Variants in OR52K1 observed in about 807,000 individuals in gnomAD.
OR52K1 encodes olfactory receptor 52K1.
OR52K1 carries 10 observed loss-of-function variants against 8.7 expected under a neutral mutation model. The ratio of observed to expected loss-of-function variants is 1.15; its 90% CI spans 0.71 to 1.95. OR52K1 has a LOEUF of 1.95. OR52K1 is among the 30% of genes most tolerant of loss of function. OR52K1 has a pLI of 0.00. For missense variants in OR52K1, 431 were observed against 397.2 expected, an observed-to-expected ratio of 1.08 and a Z score of -0.72; for synonymous variants, 203 against 148.5, an observed-to-expected ratio of 1.37 and a Z score of -2.67.
Position 4,483,086 on chromosome 11 carries a change from C to G in OR52K1, c.-419C>G, listed in dbSNP as rs995041666. ...CACCTCCTGTCATTGCTTTTTCTAACCCCTGGCAAATGCCCCATCCCAGTT... is the reference window on the plus strand; with the variant it reads ...CACCTCCTGTCATTGCTTTTTCTAAGCCCTGGCAAATGCCCCATCCCAGTT... On this transcript the variant is annotated 5_prime_UTR_variant, in exon 1 of 2. Coordinates refer to ENST00000641528, the MANE Select transcript of OR52K1 (RefSeq NM_001005171.3). 5.0e-6 allele frequency: 2 copies of G among 398,320 alleles called. No individual in the cohort carries two copies. The highest frequency in any genetic ancestry group is 4.4e-6 in the Non-Finnish European group (1 of 225,958). The allele number at this position is 398,320 out of a possible 1,614,324, so 24.7% of individuals were successfully genotyped here.
chr11:4,491,327 T>C lies in OR52K1; in HGVS notation c.*1482T>C, dbSNP rs765301766. On this transcript the variant is annotated 3_prime_UTR_variant, in exon 2 of 2. Coordinates refer to ENST00000641528, the MANE Select transcript of OR52K1 (RefSeq NM_001005171.3). ...TAGAGAAAAGGAAACACTTATATAC[T>C]GCTGGTAGGAGTGTAAATTATTTCA... 2.0e-5 allele frequency: 3 copies of C among 152,228 alleles called. No individual in the cohort carries two copies. Among genetic ancestry groups the C allele is most frequent in the Non-Finnish European group, 2.9e-5 (2 of 68,046 alleles). 9.4% of individuals were successfully genotyped at this position (152,228 alleles called of 1,614,324 possible).
At chr11:4,485,170 G>GA (rs200086921) in intron 1 of OR52K1, among the ~76,000 whole-genome samples, 2,860 of 152,262 alleles carry the variant, frequency 0.019, 3 homozygotes, top group African/African-American at 0.065. Context: ...TACTAAGATA[G>GA]TACATTATTT....
At chr11:4,487,627 T>A (rs1263332050) in intron 1 of OR52K1, among the ~76,000 whole-genome samples, 2 of 152,226 alleles carry the variant, frequency 1.3e-5, no homozygotes, top group Non-Finnish European at 2.9e-5. Flanking sequence ...AAAGAAGGAC[T>A]CAGATATGGC....
At position 4,492,525 on chromosome 11, in the gene OR52K1, G is replaced by A. The variant is rs1409785660; in HGVS notation, c.*2680G>A. 6.6e-6 allele frequency: 1 copy of A among 152,188 alleles called. No homozygotes were observed. 9.4% of individuals were successfully genotyped at this position (152,188 alleles called of 1,614,324 possible). A position where few individuals can be genotyped will look rare whatever the true frequency, so the allele number is the denominator to read the frequency against. On this transcript the variant is annotated 3_prime_UTR_variant, in exon 2 of 2. Transcript: ENST00000641528. ...TGTTTGTTTCACAGCCTTACCCAAG[G>A]AGCACCAATTGCTGGAGTTGTGAGT...
rs1302220701 is a variant in OR52K1 at position 4,489,441 on chromosome 11, T to C, written c.541T>C (p.Cys181Arg). The C allele has an allele frequency of 2.5e-6, 4 of 1,614,248 alleles. No individual in the cohort carries two copies. Among genetic ancestry groups the C allele is most frequent in the Non-Finnish European group, 3.4e-6 (4 of 1,180,038 alleles). ...CRGPVIAHCY[C>R]EHMAVVRLAC... Reference sequence around the variant, plus strand: ...AGGCCCAGTGATTGCCCATTGCTACTGTGAACACATGGCTGTGGTAAGGCT... The same window carrying C: ...AGGCCCAGTGATTGCCCATTGCTACCGTGAACACATGGCTGTGGTAAGGCT... The change falls in exon 2 of 2, where the codon TGT becomes CGT. Residue 181 changes from cysteine (C) to arginine (R), a missense_variant. By Grantham distance (180) the Cys-to-Arg change is radical. Transcript: ENST00000641528.
rs765180018 is a variant in OR52K1 at position 4,489,383 on chromosome 11, C to A, written c.483C>A (p.Leu161=). The change falls in exon 2 of 2, where the codon CTC becomes CTA. Residue 161 remains leucine (L), a synonymous_variant. Coordinates refer to ENST00000641528, the MANE Select transcript of OR52K1 (RefSeq NM_001005171.3). ...VARAVTLMTP[L]PFLLRRFHYC... The stretch of plus-strand genomic sequence containing the variant: ...GGGCTGTGACACTAATGACTCCACT[C>A]CCCTTCCTGCTCAGACGCTTCCACT... The A allele has an allele frequency of 8.1e-6, 13 of 1,614,220 alleles. No homozygotes were observed. The highest frequency in any genetic ancestry group is 1.1e-5 in the Non-Finnish European group (13 of 1,180,034).
rs1846389497 is a variant in OR52K1, at chr11:4,492,769, A to G, written c.*2924A>G. The G allele has an allele frequency of 6.4e-6, 1 of 156,768 alleles. No individual in the cohort carries two copies. The highest frequency in any genetic ancestry group is 1.4e-5 in the Non-Finnish European group (1 of 71,746). The allele number at this position is 156,768 out of a possible 1,614,324, so 9.7% of individuals were successfully genotyped here. On this transcript the variant is annotated 3_prime_UTR_variant, in exon 2 of 2. Transcript: ENST00000641528. ...AGGGACCAGCCCTACAGGGTCTGTG[A>G]GTTTTTCCCCTTGTGTGCAGAGATG...
chr11:4,486,806 T>C (rs1001058834), intron 1 of OR52K1, among the ~76,000 whole-genome samples: 1 of 152,234 alleles, frequency 6.6e-6, no homozygotes, highest in Non-Finnish European at 1.5e-5. Flanking sequence ...TAAATTTAGT[T>C]AGTATATTTT....
chr11:4,483,632 C>A (rs1343967510), intron 1 of OR52K1, among the ~76,000 whole-genome samples: 1 of 147,906 alleles, frequency 6.8e-6, no homozygotes, highest in Non-Finnish European at 1.5e-5. Context: ...GCCTTTTTTT[C>A]TTGTATGAAG....
rs1319886048 is a variant in OR52K1 at position 4,489,500 on chromosome 11, T to C, written c.600T>C (p.Tyr200=). The C allele has an allele frequency of 3.1e-6, 5 of 1,614,126 alleles. No homozygotes were observed. The Admixed American group carries it at 6.7e-5, about 22-fold the overall frequency. The change falls in exon 2 of 2, where the codon TAT becomes TAC. Residue 200 remains tyrosine, a synonymous_variant. Transcript: ENST00000641528. ...ACGDTSFNNI[Y]GIAVAMFIVV... is the part of the protein sequence containing the mutation. ...GGGACACTAGCTTCAACAATATCTA[T>C]GGCATTGCTGTGGCCATGTTTATTG...
intron 1 of OR52K1, among the ~76,000 whole-genome samples, chr11:4,484,075 T>A (rs1349658897): frequency 6.6e-6 from 1 of 152,190 alleles, no homozygotes; most frequent in African/African-American, 2.4e-5. Context: ...AGTAGTATTC[T>A]GAGAAATATG....
rs1846394515 is a variant in OR52K1 at position 4,493,227 on chromosome 11, G to A, written c.*3382G>A. On this transcript the variant is annotated 3_prime_UTR_variant, in exon 2 of 2. Coordinates refer to ENST00000641528, the MANE Select transcript of OR52K1 (RefSeq NM_001005171.3). ...ATGCTGGATGCTGTGGCCTCCAGAT[G>A]GCTGTGGGTGGGCCTGACTAATGTC... 6.6e-6 allele frequency: 1 copy of A among 152,252 alleles called. No individual in the cohort carries two copies. Among genetic ancestry groups the A allele is most frequent in the Non-Finnish European group, 1.5e-5 (1 of 68,084 alleles). The allele number at this position is 152,252 out of a possible 1,614,324, so 9.4% of individuals were successfully genotyped here.
rs1377888139 is a variant in OR52K1, at chr11:4,489,423, G to C, written c.523G>C (p.Val175Leu). Residue 175 changes from valine (V) to leucine (L), a missense_variant, in exon 2 of 2, where the codon GTG becomes CTG. Transcript: ENST00000641528. ...LRRFHYCRGP[V>L]IAHCYCEHMA... is the part of the protein sequence containing the mutation. Reference sequence around the variant, plus strand: ...ACGCTTCCACTACTGCCGAGGCCCAGTGATTGCCCATTGCTACTGTGAACA... The same window carrying C: ...ACGCTTCCACTACTGCCGAGGCCCACTGATTGCCCATTGCTACTGTGAACA... 2.5e-6 allele frequency: 4 copies of C among 1,614,100 alleles called. No individual in the cohort carries two copies. The highest frequency in any genetic ancestry group is 1.7e-6 in the Non-Finnish European group (2 of 1,180,050).
At chr11:4,486,544 G>A (rs1469748575) in intron 1 of OR52K1, among the ~76,000 whole-genome samples, 1 of 152,134 alleles carries the variant, frequency 6.6e-6, no homozygotes, top group Non-Finnish European at 1.5e-5. Flanking sequence ...TTTCTAATAA[G>A]GTGTATAATG....
chr11:4,489,255 G>T lies in OR52K1; in HGVS notation c.355G>T (p.Ala119Ser). Residue 119 changes from alanine (A) to serine (S), a missense_variant, in exon 2 of 2, where the codon GCC becomes TCC. Physicochemically the swap from Ala to Ser is moderately conservative, Grantham distance 99. Transcript: ENST00000641528. ...FSIMESAVLL[A>S]MAFDRYVAIC... ...CATCATGGAGTCAGCAGTGCTGCTG[G>T]CCATGGCCTTTGACCGCTATGTGGC... is the stretch of plus-strand genomic sequence containing the variant. The T allele has an allele frequency of 6.2e-7, 1 of 1,614,150 alleles. No homozygotes were observed. The highest frequency in any genetic ancestry group is 8.5e-7 in the Non-Finnish European group (1 of 1,180,024).
rs1846395641 is a variant in OR52K1 at position 4,493,327 on chromosome 11, C to G, written c.*3482C>G. ...GGAAAGGGAGACTCCCTTTCTGGGTCTGTTAGTAACGGGTGTCTTCCCTAG... is the reference window on the plus strand; with the variant it reads ...GGAAAGGGAGACTCCCTTTCTGGGTGTGTTAGTAACGGGTGTCTTCCCTAG... On this transcript the variant is annotated 3_prime_UTR_variant, in exon 2 of 2. Coordinates refer to ENST00000641528, the MANE Select transcript of OR52K1 (RefSeq NM_001005171.3). 1 of 152,286 alleles carries G rather than the reference C, an allele frequency of 6.6e-6. No homozygotes were observed. The highest frequency in any genetic ancestry group is 2.1e-4 in the South Asian group (1 of 4,828). The allele number at this position is 152,286 out of a possible 1,614,324, so 9.4% of individuals were successfully genotyped here.
rs538333118 is a variant in OR52K1 at position 4,486,292 on chromosome 11, C to T, written c.-328-2281C>T. ...TGTGGAAGCCAGTGGATAAAAGTTCCCCTCTTCTGTGTCTAGAGTGGACAA... is the reference window on the plus strand; with the variant it reads ...TGTGGAAGCCAGTGGATAAAAGTTCTCCTCTTCTGTGTCTAGAGTGGACAA... On this transcript the variant is annotated intron_variant, in intron 1 of 1. Transcript: ENST00000641528. Among the ~76,000 whole-genome samples the T allele has an allele frequency of 5.3e-5, 8 of 152,298 alleles. No homozygotes were observed. In the East Asian group the frequency reaches 1.5e-3, roughly 29 times the overall value.
At chr11:4,486,585 GCTCC>G (rs953373315) in intron 1 of OR52K1, among the ~76,000 whole-genome samples, 1 of 152,086 alleles carries the variant, frequency 6.6e-6, no homozygotes, top group Non-Finnish European at 1.5e-5. Context: ...AACTTCTCCT[GCTCC>G]CTATCATGAA....
rs1404109902 is a variant in OR52K1, at chr11:4,490,296, C to A, written c.*451C>A. The A allele has an allele frequency of 6.1e-6, 1 of 162,748 alleles. No individual in the cohort carries two copies. Among genetic ancestry groups the A allele is most frequent in the Non-Finnish European group, 1.4e-5 (1 of 73,330 alleles). 10.1% of individuals were successfully genotyped at this position (162,748 alleles called of 1,614,324 possible). On this transcript the variant is annotated 3_prime_UTR_variant, in exon 2 of 2. Coordinates refer to ENST00000641528, the MANE Select transcript of OR52K1 (RefSeq NM_001005171.3). ...CCCCCATGTCTTTTCTGACAAGTACCCTCCACCCTTTGCCACTCTTTATAG... is the reference window on the plus strand; with the variant it reads ...CCCCCATGTCTTTTCTGACAAGTACACTCCACCCTTTGCCACTCTTTATAG...
Sources: gnomAD v4.1 joint callset for allele counts (sites outside exome capture counted in the v4.1 genomes callset) on GRCh38, gnomAD v4.1.1 for gene constraint, MANE v1.5 for transcripts, NCBI Gene and HGNC (gene_info 2026-07-23, HGNC 2026-07-21) for gene names.